RANBP2: variants seen among roughly 807,000 people sequenced by gnomAD.
RANBP2 encodes RAN binding protein 2.
RANBP2 carries 57 observed loss-of-function variants against 303.6 expected under a neutral mutation model. The observed-to-expected ratio is 0.19, with a 90% confidence interval of 0.15 to 0.23. The LOEUF (loss-of-function observed/expected upper bound fraction) is 0.23. Ranked by LOEUF, RANBP2 falls within the 10% of genes least tolerant of loss-of-function variation. RANBP2 has a pLI of 1.00. For missense variants in RANBP2, 3,138 were observed against 3,780.8 expected, an observed-to-expected ratio of 0.83 and a Z score of 4.46; for synonymous variants, 1,167 against 1,301.5, an observed-to-expected ratio of 0.90 and a Z score of 2.23.
At chr2:108,822,151 G>A in the RANBP2 span, among the ~76,000 whole-genome samples, 1 of 152,076 alleles carries the variant, frequency 6.6e-6, no homozygotes. Flanking sequence ...GAAAAGACTA[G>A]TAGTAGTAAT....
the RANBP2 span, among the ~76,000 whole-genome samples, chr2:109,499,234 G>C: frequency 6.6e-6 from 1 of 152,274 alleles, no homozygotes; most frequent in Admixed American, 6.5e-5. Flanking sequence ...CTCGGCGTCT[G>C]TGGAGATGGG....
At chr2:109,534,463 A>T in the RANBP2 span, among the ~76,000 whole-genome samples, 1 of 152,220 alleles carries the variant, frequency 6.6e-6, no homozygotes, top group Non-Finnish European at 1.5e-5. Context: ...AGCAATATTT[A>T]TATTTCAGCC....
the RANBP2 span, among the ~76,000 whole-genome samples, chr2:109,587,721 G>A: frequency 7.9e-5 from 12 of 152,236 alleles, no homozygotes; most frequent in South Asian, 2.1e-3. Context: ...AGACCATCCT[G>A]GCTAACACGG....
At chr2:108,832,496 C>T in the RANBP2 span, among the ~76,000 whole-genome samples, 8 of 151,816 alleles carry the variant, frequency 5.3e-5, no homozygotes, top group South Asian at 2.1e-4. Flanking sequence ...TACAGGCATG[C>T]GCCACCACAC....
At chr2:108,996,145 T>C in the RANBP2 span, among the ~76,000 whole-genome samples, 1 of 152,210 alleles carries the variant, frequency 6.6e-6, no homozygotes, top group African/African-American at 2.4e-5. Flanking sequence ...GGAAAGATTC[T>C]GATTTGGGAA....
chr2:109,127,743 G>C, the RANBP2 span: 39 of 152,262 alleles, frequency 2.6e-4, no homozygotes, highest in African/African-American at 9.4e-4. Flanking sequence ...CAACTATTCA[G>C]GAGGCTGAGG....
At chr2:109,613,930 G>A in the RANBP2 span, 1 of 1,221,884 alleles carries the variant, frequency 8.2e-7, no homozygotes, top group Non-Finnish European at 1.0e-6. Flanking sequence ...GCAACGGGCG[G>A]GGCGCGAGGC....
the RANBP2 span, among the ~76,000 whole-genome samples, chr2:109,023,493 C>T: frequency 2.6e-5 from 4 of 152,140 alleles, no homozygotes; most frequent in East Asian, 3.8e-4. Context: ...ATGTTGTTGA[C>T]GTCAGTAGGT....
In RANBP2 at chr2:108,764,312, C is replaced by G. The variant is rs1676957576; in HGVS notation, c.3773C>G (p.Ala1258Gly). The part of the protein sequence containing the change: ...ISPDMKLTPN[A>G]GSDRSFVWHA... The stretch of plus-strand genomic sequence containing the variant: ...CCAGATATGAAATTGACACCAAATG[C>G]TGGATCAGACAGATCTTTTGTATGG... Residue 1258 changes from alanine (A) to glycine (G), a missense_variant, in exon 20 of 29, where the codon GCT (alanine) becomes GGT (glycine). This residue lies in a region of RANBP2 where 72 missense variants were observed against 119.5 expected (regional missense o/e 0.60). Coordinates refer to ENST00000283195, the MANE Select transcript of RANBP2 (RefSeq NM_006267.5). The G allele has an allele frequency of 2.5e-6, 4 of 1,613,698 alleles. No individual in the cohort carries two copies. The highest frequency in any genetic ancestry group is 3.4e-6 in the Non-Finnish European group (4 of 1,179,964).
chr2:109,145,081 C>T, the RANBP2 span, among the ~76,000 whole-genome samples: 51 of 152,318 alleles, frequency 3.3e-4, no homozygotes, highest in Non-Finnish European at 4.9e-4. Flanking sequence ...GGCCCTCTTA[C>T]GGGGCCTGGA....
the RANBP2 span, among the ~76,000 whole-genome samples, chr2:108,944,786 G>C: frequency 6.6e-6 from 1 of 152,132 alleles, no homozygotes; most frequent in Admixed American, 6.5e-5. Context: ...TGAGGTCACA[G>C]AGTCAAGGGA....
chr2:108,728,584 C>T (rs1185783869), intron 1 of RANBP2, among the ~76,000 whole-genome samples: 4 of 141,114 alleles, frequency 2.8e-5, no homozygotes, highest in Admixed American at 7.6e-5. Context: ...ACCAACTGCA[C>T]CCAGCTTATT....
the RANBP2 span, among the ~76,000 whole-genome samples, chr2:109,283,978 G>A: frequency 9.2e-5 from 14 of 152,306 alleles, no homozygotes; most frequent in South Asian, 2.5e-3. Context: ...ACCTCTGCCC[G>A]TGGGTGTTTT....
intron 24 of RANBP2, 82 bp from the exon 25 acceptor site, chr2:108,777,048 A>C: frequency 8.6e-7 from 1 of 1,160,262 alleles, no homozygotes; most frequent in Non-Finnish European, 1.2e-6. Flanking sequence ...ACAAGTCTCT[A>C]CTGTTCTCTC....
the RANBP2 span, among the ~76,000 whole-genome samples, chr2:108,853,872 CTATAT>C: frequency 8.8e-6 from 1 of 113,700 alleles, no homozygotes; most frequent in East Asian, 2.2e-4. Context: ...AATATATATA[CTATAT>C]AATATATTAT....
the RANBP2 span, among the ~76,000 whole-genome samples, chr2:108,995,878 C>A: frequency 1.2e-4 from 18 of 152,156 alleles, no homozygotes; most frequent in Non-Finnish European, 2.6e-4. Context: ...CCCCACCAGG[C>A]CCAAATTACC....
At chr2:109,146,486 GT>G in the RANBP2 span, among the ~76,000 whole-genome samples, 11,217 of 152,132 alleles carry the variant, frequency 0.074, 1,304 homozygotes, top group African/African-American at 0.25. Flanking sequence ...CATGGGTCCT[GT>G]GAATGTTCAA....
rs746093104 is a variant in RANBP2, at chr2:108,749,099, G to C, written c.1243G>C (p.Glu415Gln). ...DIGNIDVREP[E>Q]LEDLTRYDVG... ...TGGAAACATTGATGTACGAGAACCA[G>C]AGCTTGAAGATTTGACTAGATACGA... The change falls in exon 9 of 29, where the codon GAG (glutamate) becomes CAG (glutamine). Residue 415 changes from glutamate (E) to glutamine (Q), a missense_variant. By Grantham distance (29) the Glu-to-Gln change is conservative. Transcript: ENST00000283195. The C allele has an allele frequency of 6.2e-7, 1 of 1,611,984 alleles. No homozygotes were observed. Among genetic ancestry groups the C allele is most frequent in the Non-Finnish European group, 8.5e-7 (1 of 1,179,860 alleles).
the RANBP2 span, among the ~76,000 whole-genome samples, chr2:109,262,892 G>A: frequency 5.3e-5 from 8 of 152,046 alleles, no homozygotes; most frequent in Non-Finnish European, 1.0e-4. Context: ...GAGTGCAGTG[G>A]CATGATCTTG....
Sources: gnomAD v4.1 joint callset for allele counts (sites outside exome capture counted in the v4.1 genomes callset) on GRCh38, gnomAD v4.1.1 for gene constraint, gnomAD v4.1.1 regional missense constraint, MANE v1.5 for transcripts, NCBI Gene and HGNC (gene_info 2026-07-23, HGNC 2026-07-21) for gene names.